Variants in TCF7L1 observed in about 807,000 individuals in gnomAD.
TCF7L1 encodes transcription factor 7 like 1, also known as transcription factor 7-like 1.
TCF7L1 carries 18 observed loss-of-function variants against 63.7 expected under a neutral mutation model. That is an observed-to-expected ratio of 0.28 (90% CI 0.20 to 0.42). The LOEUF (loss-of-function observed/expected upper bound fraction) is 0.42. Among genes scored for constraint, TCF7L1 ranks in the 10% least tolerant of loss-of-function variants. The probability of loss-of-function intolerance (pLI) is 1.00; values close to 1 mark genes in which losing one functional copy is unlikely to be tolerated. For synonymous variants in TCF7L1, 355 were observed against 340.9 expected (o/e 1.04, Z -0.46); for missense variants, 654 against 779.3 (o/e 0.84, Z 1.91).
chr2:85,284,184 G>A (rs1296996301), intron 4 of TCF7L1, among the ~76,000 whole-genome samples: 1 of 151,962 alleles, frequency 6.6e-6, no homozygotes, highest in African/African-American at 2.4e-5. Flanking sequence ...CTAATTTTTG[G>A]TATTTTTAGT....
chr2:85,203,675 G>C (rs1030080336), intron 3 of TCF7L1, among the ~76,000 whole-genome samples: 2 of 151,654 alleles, frequency 1.3e-5, no homozygotes, highest in South Asian at 4.2e-4. Context: ...GCTGCAGTGA[G>C]CCATGTTCAC....
At chr2:85,208,011 A>G (rs560239383) in intron 3 of TCF7L1, among the ~76,000 whole-genome samples, 152 of 152,120 alleles carry the variant, frequency 1.0e-3, no homozygotes, top group Non-Finnish European at 1.1e-3. Context: ...GGTTCACGCC[A>G]TTCTCCTGCC....
At chr2:85,206,147 G>A (rs11126985) in intron 3 of TCF7L1, among the ~76,000 whole-genome samples, 32,662 of 152,244 alleles carry the variant, frequency 0.21, 4,179 homozygotes, top group Non-Finnish European at 0.3. Flanking sequence ...GCCATGATGA[G>A]AAATGAGCAC....
rs748466955 is a variant in TCF7L1 at position 85,306,529 on chromosome 2, C to G, written c.1227C>G (p.Leu409=). Residue 409 remains leucine (L), a synonymous_variant, in exon 10 of 12, where the codon CTC becomes CTG. Coordinates refer to ENST00000282111, the MANE Select transcript of TCF7L1 (RefSeq NM_031283.3). The surrounding 1 kb of genome is among the most constrained non-coding windows in gnomAD (Gnocchi z 4.3). Reference sequence around the variant, plus strand: ...AGGAGCGGCAGCTTCACTCGCAGCTCTACCCAACCTGGTCAGCCCGGGACA... The same window carrying G: ...AGGAGCGGCAGCTTCACTCGCAGCTGTACCCAACCTGGTCAGCCCGGGACA... ...ARKERQLHSQ[L]YPTWSARDNY... The G allele has an allele frequency of 6.2e-7, 1 of 1,614,228 alleles. No homozygotes were observed. Among genetic ancestry groups the G allele is most frequent in the Non-Finnish European group, 8.5e-7 (1 of 1,180,036 alleles).
intron 3 of TCF7L1, among the ~76,000 whole-genome samples, chr2:85,194,397 C>T (rs1222833760): frequency 4.6e-5 from 7 of 152,198 alleles, no homozygotes; most frequent in South Asian, 2.1e-4. Flanking sequence ...GGTGTGGTGG[C>T]GCACGCCTGT....
intron 3 of TCF7L1, among the ~76,000 whole-genome samples, chr2:85,188,386 G>A (rs1481743957): frequency 2.0e-5 from 3 of 152,168 alleles, no homozygotes; most frequent in Non-Finnish European, 4.4e-5. Flanking sequence ...TAACATCGGG[G>A]GAGGCTAGGC....
chr2:85,272,125 G>T (rs1008489830), intron 3 of TCF7L1, among the ~76,000 whole-genome samples: 1 of 152,200 alleles, frequency 6.6e-6, no homozygotes, highest in African/African-American at 2.4e-5. Context: ...CCAGAAGGCT[G>T]CTGCAGGGGC....
intron 3 of TCF7L1, among the ~76,000 whole-genome samples, chr2:85,259,965 T>C (rs1680819037): frequency 2.6e-5 from 4 of 152,138 alleles, no homozygotes. Context: ...GGGGAGGGCC[T>C]CTGAGAACTC....
At chr2:85,256,484 TGGGAATGCCTAGG>T (rs1680722211) in intron 3 of TCF7L1, among the ~76,000 whole-genome samples, 1 of 152,212 alleles carries the variant, frequency 6.6e-6, no homozygotes, top group Non-Finnish European at 1.5e-5. Flanking sequence ...CCTAGAGGCC[TGGGAATGCCTAGG>T]GGGAAGCCCC....
At chr2:85,276,398 G>A (rs1036789494) in intron 3 of TCF7L1, among the ~76,000 whole-genome samples, 16 of 152,260 alleles carry the variant, frequency 1.1e-4, no homozygotes, top group Admixed American at 4.6e-4. Context: ...TGAGTGAAAT[G>A]GGCTCCTGTG....
In TCF7L1 at chr2:85,133,996, C is replaced by T. The variant is rs1677527515; in HGVS notation, c.250-20C>T. 3.1e-6 allele frequency: 5 copies of T among 1,608,732 alleles called. No homozygotes were observed. The East Asian group carries it at 1.1e-4, about 36-fold the overall frequency. On this transcript the variant is annotated intron_variant, in intron 1 of 11. Transcript: ENST00000282111. The surrounding 1 kb of genome is among the most constrained non-coding windows in gnomAD (Gnocchi z 4.4). ...CCCTGCGTCCGCTCACCCGCTCTTG[C>T]CTTTGTGTCTCCTCCGCAGGCGGAG... is the stretch of plus-strand genomic sequence containing the variant.
At chr2:85,165,272 G>A (rs147681331) in intron 3 of TCF7L1, among the ~76,000 whole-genome samples, 7 of 152,340 alleles carry the variant, frequency 4.6e-5, no homozygotes, top group South Asian at 2.1e-4. Context: ...TGAGGCTGCC[G>A]TGTGTGTGCA....
intron 3 of TCF7L1, among the ~76,000 whole-genome samples, chr2:85,164,171 A>G (rs1678355576): frequency 6.6e-6 from 1 of 152,160 alleles, no homozygotes; most frequent in Admixed American, 6.5e-5. Context: ...ACCGGAGCCC[A>G]GGGCTGGTTG....
chr2:85,229,294 C>T (rs1680022641), intron 3 of TCF7L1, among the ~76,000 whole-genome samples: 1 of 152,152 alleles, frequency 6.6e-6, no homozygotes, highest in African/African-American at 2.4e-5. Flanking sequence ...TTGCAGTGAG[C>T]TGAGATCGTG....
chr2:85,160,931 C>T (rs1574084257), intron 3 of TCF7L1, among the ~76,000 whole-genome samples: 1 of 152,310 alleles, frequency 6.6e-6, no homozygotes, highest in East Asian at 1.9e-4. Flanking sequence ...GCACATCATT[C>T]CTGTTTAATT....
chr2:85,147,039 A>C (rs1677895449), intron 3 of TCF7L1, among the ~76,000 whole-genome samples: 1 of 152,206 alleles, frequency 6.6e-6, no homozygotes. Context: ...TAAATATCAT[A>C]GGTGAGATGT....
chr2:85,144,749 G>GTGTGTGTGTGTGTGTGTT (rs767439897), intron 3 of TCF7L1, among the ~76,000 whole-genome samples: 1 of 147,066 alleles, frequency 6.8e-6, no homozygotes, highest in Non-Finnish European at 1.5e-5. Context: ...GTGTGTGTGT[G>GTGTGTGTGTGTGTGTGTT]TATGTGTGTG....
intron 3 of TCF7L1, among the ~76,000 whole-genome samples, chr2:85,153,340 A>ATTTTTTTTTTT (rs66697146): frequency 0.044 from 4,468 of 101,896 alleles, 468 homozygotes; most frequent in African/African-American, 0.092. Flanking sequence ...GCCTTTATAA[A>ATTTTTTTTTTT]TTTTTTTTTT....
intron 3 of TCF7L1, among the ~76,000 whole-genome samples, chr2:85,247,106 C>T (rs975003847): frequency 8.5e-5 from 13 of 152,302 alleles, no homozygotes; most frequent in African/African-American, 2.9e-4. Context: ...TTTGCAGGTG[C>T]TTGAGCAAGT....
Sources: gnomAD v4.1 joint callset for allele counts (sites outside exome capture counted in the v4.1 genomes callset) on GRCh38, gnomAD v4.1.1 for gene constraint, Gnocchi (gnomAD v3.1) non-coding constraint, MANE v1.5 for transcripts, NCBI Gene and HGNC (gene_info 2026-07-23, HGNC 2026-07-21) for gene names.